Variants in SGCD observed in about 807,000 individuals in gnomAD.
SGCD encodes the protein delta-sarcoglycan.
Under a neutral mutation model 36.6 loss-of-function variants are expected in SGCD, and 18 were observed. The observed-to-expected ratio is 0.49, with a 90% CI of 0.34 to 0.73. SGCD has a LOEUF of 0.73. Among genes scored for constraint, SGCD ranks in the 30% least tolerant of loss-of-function variants. The pLI is 0.01. For missense variants in SGCD, 387 were observed against 346.7 expected, an observed-to-expected ratio of 1.12 and a Z score of -0.92; for synonymous variants, 133 against 130.6, an observed-to-expected ratio of 1.02 and a Z score of -0.12.
intron 1 of SGCD, among the ~76,000 whole-genome samples, chr5:156,009,753 T>G (rs987748760): frequency 2.0e-5 from 3 of 152,208 alleles, no homozygotes; most frequent in Non-Finnish European, 4.4e-5. Context: ...ATTACTCACT[T>G]GAATTAGTCT....
At chr5:156,667,052 G>T (rs1294950906) in intron 7 of SGCD, among the ~76,000 whole-genome samples, 9 of 152,126 alleles carry the variant, frequency 5.9e-5, no homozygotes, top group Admixed American at 1.3e-4. Context: ...ACTTTTTGAG[G>T]ACTGACATAA....
At chr5:156,232,988 G>T (rs949250435) in intron 3 of SGCD, among the ~76,000 whole-genome samples, 1 of 152,172 alleles carries the variant, frequency 6.6e-6, no homozygotes, top group Admixed American at 6.5e-5. Flanking sequence ...GAGATGAAAA[G>T]CTAGTGGCAG....
At chr5:156,114,165 G>T (rs968480660) in intron 1 of SGCD, among the ~76,000 whole-genome samples, 2 of 152,096 alleles carry the variant, frequency 1.3e-5, no homozygotes, top group Non-Finnish European at 2.9e-5. Flanking sequence ...GGATAATTGT[G>T]TGTCAGTGTA....
the SGCD span, among the ~76,000 whole-genome samples, chr5:155,849,917 AATT>A: frequency 6.6e-6 from 1 of 152,246 alleles, no homozygotes; most frequent in Non-Finnish European, 1.5e-5. Flanking sequence ...TAAGGAAATT[AATT>A]ATTCTAATTC....
At chr5:156,156,931 CA>C (rs1310169527) in intron 3 of SGCD, among the ~76,000 whole-genome samples, 1 of 151,630 alleles carries the variant, frequency 6.6e-6, no homozygotes, top group African/African-American at 2.4e-5. Flanking sequence ...ACTGTCAATA[CA>C]TTGCATAGAA....
At chr5:156,257,164 AAAATAAATAAAT>A (rs71577192) in intron 3 of SGCD, among the ~76,000 whole-genome samples, 1 of 147,950 alleles carries the variant, frequency 6.8e-6, no homozygotes, top group Non-Finnish European at 1.5e-5. Flanking sequence ...CCCTGTCTTC[AAAATAAATAAAT>A]AAATAAATAA....
chr5:155,862,847 T>G, the SGCD span, among the ~76,000 whole-genome samples: 2 of 152,228 alleles, frequency 1.3e-5, no homozygotes, highest in Non-Finnish European at 2.9e-5. Flanking sequence ...TTATGTGCCA[T>G]GTGCTCTATG....
At chr5:156,103,476 A>T (rs138837810) in intron 1 of SGCD, among the ~76,000 whole-genome samples, 1 of 152,178 alleles carries the variant, frequency 6.6e-6, no homozygotes, top group Non-Finnish European at 1.5e-5. Flanking sequence ...ATAATAAAAA[A>T]TTAAATGTTT....
the SGCD span, among the ~76,000 whole-genome samples, chr5:155,731,539 C>A: frequency 6.6e-6 from 1 of 152,172 alleles, no homozygotes; most frequent in Non-Finnish European, 1.5e-5. Context: ...AAATTGGACA[C>A]CCACTTGGAA....
chr5:156,634,089 T>G (rs1352887624), intron 6 of SGCD, among the ~76,000 whole-genome samples: 1 of 152,182 alleles, frequency 6.6e-6, no homozygotes, highest in Non-Finnish European at 1.5e-5. Flanking sequence ...TCTCTTCAGC[T>G]TTCTTCCAAG....
rs573864011 is a variant in SGCD at position 156,329,834 on chromosome 5, G to A, written c.3+255G>A. The stretch of plus-strand genomic sequence containing the variant: ...AGATGGAGACCATCCTGGCTAACAC[G>A]GTGAAATCCCATCTATACTAAAAAT... On this transcript the variant is annotated intron_variant, in intron 2 of 8. Coordinates refer to ENST00000337851, the MANE Select transcript of SGCD (RefSeq NM_000337.6). Among the ~76,000 whole-genome samples the A allele has an allele frequency of 7.6e-4, 115 of 151,938 alleles. 1 individual carries two copies. The highest frequency in any genetic ancestry group is 2.7e-3 in the African/African-American group (110 of 41,450).
Position 156,044,222 on chromosome 5 carries a change from G to T in SGCD, c.-281-73656G>T, listed in dbSNP as rs1371242653. 2.0e-5 allele frequency among the ~76,000 whole-genome samples: 3 copies of T among 152,132 alleles called. No homozygotes were observed. The South Asian group carries it at 6.2e-4, about 32-fold the overall frequency. On this transcript the variant is annotated intron_variant, in intron 1 of 9. Coordinates refer to the SGCD transcript ENST00000517913. ...AGAATGTAACATTTCAGGTAGGAGG[G>T]AGTGAAATGTTCAAGCCTAGGGCTT...
chr5:156,191,526 AC>A (rs1404705094), intron 3 of SGCD, among the ~76,000 whole-genome samples: 2 of 151,360 alleles, frequency 1.3e-5, no homozygotes, highest in East Asian at 4.0e-4. Context: ...TTAATTGCAT[AC>A]ACCCAATAAT....
chr5:156,423,152 T>TTAAATA (rs1561685091), intron 3 of SGCD, among the ~76,000 whole-genome samples: 1 of 80,506 alleles, frequency 1.2e-5, no homozygotes, highest in Admixed American at 1.4e-4. Flanking sequence ...ATTTAATTAA[T>TTAAATA]TATTTAAATA....
chr5:156,178,201 C>T (rs1021221632), intron 3 of SGCD, among the ~76,000 whole-genome samples: 19 of 152,054 alleles, frequency 1.2e-4, no homozygotes, highest in African/African-American at 4.1e-4. Context: ...TTTCTCACCA[C>T]CCCAAAGTGA....
chr5:156,232,716 C>G, intron 3 of SGCD, among the ~76,000 whole-genome samples: 1 of 152,174 alleles, frequency 6.6e-6, no homozygotes, highest in South Asian at 2.1e-4. Context: ...CTATTAGTAT[C>G]TCCTGTAATA....
intron 7 of SGCD, among the ~76,000 whole-genome samples, chr5:156,695,114 GTGTGTGTGTGTGTGTGTGTGTGTT>G (rs1334026063): frequency 6.5e-4 from 64 of 98,484 alleles, no homozygotes; most frequent in Non-Finnish European, 1.1e-3. Context: ...TACTGTGTTT[GTGTGTGTGTGTGTGTGTGTGTGTT>G]TGTGTGTGTG....
chr5:155,837,675 C>A, the SGCD span, among the ~76,000 whole-genome samples: 1 of 152,142 alleles, frequency 6.6e-6, no homozygotes, highest in Non-Finnish European at 1.5e-5. Context: ...TGTAGCAGAG[C>A]AGAAATGTCT....
At chr5:155,811,869 T>G in the SGCD span, among the ~76,000 whole-genome samples, 6 of 152,160 alleles carry the variant, frequency 3.9e-5, no homozygotes, top group Non-Finnish European at 5.9e-5. Flanking sequence ...CACATGGGGA[T>G]GAAGTAATTC....
Sources: allele counts gnomAD v4.1 joint callset (sites outside exome capture counted in the v4.1 genomes callset), GRCh38; gene constraint gnomAD v4.1.1; transcripts MANE v1.5; gene names NCBI Gene and HGNC (gene_info 2026-07-23, HGNC 2026-07-21).